NIN: variants seen among roughly 807,000 people sequenced by gnomAD.
The protein encoded by NIN is ninein, also known as glycogen synthase kinase 3 beta-interacting protein.
NIN carries 137 observed loss-of-function variants against 257.6 expected under a neutral mutation model. The ratio of observed to expected loss-of-function variants is 0.53; its 90% CI spans 0.46 to 0.61. The LOEUF is 0.61. Among genes scored for constraint, NIN ranks in the 20% least tolerant of loss-of-function variants. The pLI, the probability that NIN is intolerant of heterozygous loss-of-function variation, is 0.00. For synonymous variants in NIN, 918 were observed against 919.8 expected (o/e 1.00, Z 0.04); for missense variants, 2,439 against 2,501.2 (o/e 0.98, Z 0.53).
At chr14:50,724,198 C>G (rs2040330336) in intron 30 of NIN, 2 of 199,396 alleles carry the variant, frequency 1.0e-5, no homozygotes, top group Admixed American at 6.0e-5. Context: ...GGGGCCTTGT[C>G]TAGTCTAATC....
chr14:50,763,956 T>C lies in NIN; in HGVS notation c.1644A>G (p.Gln548=), dbSNP rs1236657937. ...NEYERQCRVL[Q]DQVDELQSEL... ...CAGACTGGAGTTCATCTACTTGGTC[T>C]TGTAGTACCTGGGATTTAAAAACCA... The change falls in exon 15 of 31, where the codon CAA becomes CAG. Residue 548 remains glutamine, a synonymous_variant. Coordinates refer to ENST00000530997, the MANE Select transcript of NIN (RefSeq NM_020921.4). The C allele has an allele frequency of 1.2e-6, 2 of 1,613,770 alleles. No homozygotes were observed. The highest frequency in any genetic ancestry group is 1.7e-6 in the Non-Finnish European group (2 of 1,179,682).
chr14:50,822,204 T>C, intron 2 of NIN, 127 bp from the exon 3 acceptor site: 1 of 680,072 alleles, frequency 1.5e-6, no homozygotes, highest in South Asian at 1.8e-5. Flanking sequence ...ACACCCAGTT[T>C]CTGATGCACC....
In NIN at chr14:50,797,313, T is replaced by A. The variant is rs140154992; in HGVS notation, c.266-4432A>T. On this transcript the variant is annotated intron_variant, in intron 4 of 30. Transcript: ENST00000530997. ...GAAAACCCTGTCGTTAGGGTGCTGG[T>A]ATTCTCATTTTGGAATTGCTCGCAT... is the stretch of plus-strand genomic sequence containing the variant. Among the ~76,000 whole-genome samples the A allele has an allele frequency of 1.7e-3, 254 of 152,304 alleles. 1 individual carries two copies. The highest frequency in any genetic ancestry group is 5.5e-3 in the African/African-American group (227 of 41,564).
intron 3 of NIN, 128 bp downstream of exon 3, chr14:50,821,743 ATTC>A (rs766366807): frequency 1.2e-4 from 89 of 732,636 alleles, no homozygotes; most frequent in Non-Finnish European, 1.9e-4. Flanking sequence ...CACCCATTAC[ATTC>A]TTCTTTTTAT....
chr14:50,745,425 A>G (rs966131654), intron 22 of NIN, among the ~76,000 whole-genome samples: 3 of 152,182 alleles, frequency 2.0e-5, no homozygotes, highest in Non-Finnish European at 4.4e-5. Flanking sequence ...ACCCTTTTCC[A>G]TAGTTCATAG....
intron 18 of NIN, 82 bp downstream of exon 18, chr14:50,756,410 C>T (rs1218918679): frequency 1.0e-5 from 15 of 1,457,528 alleles, no homozygotes; most frequent in Non-Finnish European, 1.4e-5. Context: ...AGGTTAGTTT[C>T]TCTAGGCACG....
chr14:50,774,728 T>C (rs1488699160), intron 7 of NIN, among the ~76,000 whole-genome samples: 3 of 152,236 alleles, frequency 2.0e-5, no homozygotes, highest in African/African-American at 7.2e-5. Flanking sequence ...CCTTGTGACA[T>C]TAGCCAAATC....
chr14:50,738,225 G>A lies in NIN; in HGVS notation c.5690C>T (p.Thr1897Ile), dbSNP rs1213484700. The change falls in exon 27 of 31, where the codon ACC (threonine) becomes ATC (isoleucine). Residue 1897 changes from threonine (T) to isoleucine (I), a missense_variant. Physicochemically the swap from Thr to Ile is moderately conservative, Grantham distance 89. This residue lies in a region of NIN where 2,043 missense variants were observed against 2,050.2 expected (regional missense o/e 1.00). Coordinates refer to ENST00000530997, the MANE Select transcript of NIN (RefSeq NM_020921.4). Reference sequence around the variant, plus strand: ...TTTTTCTTGCTCTGTGGGATTCATGGTACCTGATGGGTTTAGATGTTTTTG... The same window carrying A: ...TTTTTCTTGCTCTGTGGGATTCATGATACCTGATGGGTTTAGATGTTTTTG... ...KHQKHLNPSG[T>I]MNPTEQEKLS... 4 of 1,614,036 alleles carry A rather than the reference G, an allele frequency of 2.5e-6. No homozygotes were observed. Among genetic ancestry groups the A allele is most frequent in the Non-Finnish European group, 2.5e-6 (3 of 1,179,946 alleles).
intron 28 of NIN, chr14:50,731,028 T>G (rs1458087324): frequency 2.0e-6 from 2 of 979,362 alleles, no homozygotes; most frequent in Non-Finnish European, 2.9e-6. Flanking sequence ...AAGAGAAAAT[T>G]ACAGGAGTTA....
intron 4 of NIN, among the ~76,000 whole-genome samples, chr14:50,798,523 A>G (rs1386638613): frequency 1.3e-5 from 2 of 152,236 alleles, no homozygotes; most frequent in African/African-American, 2.4e-5. Flanking sequence ...CAGGAATAAA[A>G]TCTTTGAGTT....
At chr14:50,731,903 G>A (rs139271493) in intron 28 of NIN, among the ~76,000 whole-genome samples, 128 of 152,322 alleles carry the variant, frequency 8.4e-4, no homozygotes, top group Non-Finnish European at 1.4e-3. Flanking sequence ...ACTTGGAGAC[G>A]CAGAATGCAG....
rs1041459056 is a variant in NIN at position 50,756,902 on chromosome 14, C to T, written c.4128G>A (p.Arg1376=). Residue 1376 remains arginine, a synonymous_variant, in exon 18 of 31, where the codon AGG becomes AGA. Coordinates refer to ENST00000530997, the MANE Select transcript of NIN (RefSeq NM_020921.4). ...LNQTLEECVP[R]VRSVHHVIEE... is the part of the protein sequence containing the mutation. ...CTATGACATGATGTACACTCCTAAC[C>T]CTGGGCACACACTCTTCCAGTGTCT... 2 of 1,558,022 alleles carry T rather than the reference C, an allele frequency of 1.3e-6. No homozygotes were observed. The highest frequency in any genetic ancestry group is 1.4e-5 in the African/African-American group (1 of 73,186).
chr14:50,787,165 C>T (rs2043381266), intron 5 of NIN, among the ~76,000 whole-genome samples: 1 of 152,106 alleles, frequency 6.6e-6, no homozygotes, highest in Admixed American at 6.5e-5. Flanking sequence ...TGTATAACAC[C>T]CCTTGCTGTT....
intron 4 of NIN, among the ~76,000 whole-genome samples, chr14:50,798,671 T>C (rs1455394082): frequency 1.3e-5 from 2 of 152,240 alleles, no homozygotes; most frequent in African/African-American, 4.8e-5. Flanking sequence ...ACCCTCCCCA[T>C]TGTTCAAGGG....
chr14:50,763,747 G>T, intron 15 of NIN, 79 bp downstream of exon 15: 5 of 1,227,162 alleles, frequency 4.1e-6, no homozygotes, highest in Non-Finnish European at 5.7e-6. Flanking sequence ...AGTTGCCAAA[G>T]CTTTGCAATT....
At chr14:50,808,696 C>T (rs886149270) in intron 3 of NIN, among the ~76,000 whole-genome samples, 1 of 152,300 alleles carries the variant, frequency 6.6e-6, no homozygotes, top group East Asian at 1.9e-4. Context: ...CCCTGTGCCA[C>T]GATGCTCATA....
At chr14:50,791,055 GT>G (rs969043811) in intron 5 of NIN, among the ~76,000 whole-genome samples, 3 of 152,132 alleles carry the variant, frequency 2.0e-5, no homozygotes, top group Non-Finnish European at 4.4e-5. Context: ...GGGGAAATGA[GT>G]TATTAAACTT....
intron 7 of NIN, 66 bp from the exon 8 acceptor site, chr14:50,773,161 C>A: frequency 1.5e-6 from 2 of 1,291,558 alleles, no homozygotes; most frequent in South Asian, 1.3e-5. Context: ...AGTATACTTC[C>A]GGCCAGTAGT....
At position 50,763,710 on chromosome 14, in the gene NIN, ATTCTT is replaced by A. The variant is rs544599443; in HGVS notation, c.1774+111_1774+115del. On this transcript the variant is annotated intron_variant, in intron 15 of 30. Coordinates refer to ENST00000530997, the MANE Select transcript of NIN (RefSeq NM_020921.4). ...CAGCTCAAGAAAAGAGTATGGCCAA[ATTCTT>A]TTTTTTTTTTTTCTTTTTTCAAGTT... The A allele has an allele frequency of 6.5e-3, 5,582 of 861,558 alleles. 35 individuals are homozygous for A. The highest frequency in any genetic ancestry group is 9.5e-3 in the Middle Eastern group (28 of 2,958). 53.4% of individuals were successfully genotyped at this position (861,558 alleles called of 1,614,324 possible).
Sources: gnomAD v4.1 joint callset for allele counts (sites outside exome capture counted in the v4.1 genomes callset) on GRCh38, gnomAD v4.1.1 for gene constraint, gnomAD v4.1.1 regional missense constraint, MANE v1.5 for transcripts, NCBI Gene and HGNC (gene_info 2026-07-23, HGNC 2026-07-21) for gene names.